Variants in COL14A1 observed in about 807,000 individuals in gnomAD.
The protein encoded by COL14A1 is collagen alpha-1(XIV) chain.
COL14A1 carries 136 observed loss-of-function variants against 230.3 expected under a neutral mutation model. The observed-to-expected ratio is 0.59, with a 90% confidence interval of 0.51 to 0.68. The LOEUF (loss-of-function observed/expected upper bound fraction) is 0.68, where lower values mean the gene tolerates loss of function less well. COL14A1 is among the 30% of genes least tolerant of loss of function. The pLI, the probability that COL14A1 is intolerant of heterozygous loss-of-function variation, is 0.00. For missense variants in COL14A1, 1,976 were observed against 2,215.8 expected (o/e 0.89, Z 2.17); for synonymous variants, 792 against 784.1 (o/e 1.01, Z -0.17).
In COL14A1 at chr8:120,345,372, C is replaced by T; in HGVS notation, c.4889-3C>T. The T allele has an allele frequency of 6.3e-7, 1 of 1,575,392 alleles. No individual in the cohort carries two copies. The highest frequency in any genetic ancestry group is 8.6e-7 in the Non-Finnish European group (1 of 1,166,052). On this transcript the variant is annotated splice_polypyrimidine_tract_variant and splice_region_variant and intron_variant, in intron 44 of 47. Coordinates refer to ENST00000297848, the MANE Select transcript of COL14A1 (RefSeq NM_021110.4). ...AATGCTGTCTTTATGCTTCATACCT[C>T]AGGTCACATGGCCAGGTACACTGCC...
chr8:120,320,596 C>T (rs1179716112), intron 40 of COL14A1, among the ~76,000 whole-genome samples: 1 of 152,132 alleles, frequency 6.6e-6, no homozygotes, highest in Non-Finnish European at 1.5e-5. Flanking sequence ...AAATATTTAT[C>T]TAAGTAATAT....
intron 13 of COL14A1, 124 bp from the exon 14 acceptor site, chr8:120,216,227 G>A (rs890941412): frequency 9.7e-5 from 71 of 729,914 alleles, no homozygotes; most frequent in Non-Finnish European, 1.5e-4. Flanking sequence ...TTATTTCAGT[G>A]TTATAAGTTA....
chr8:120,329,598 C>T (rs1821800332), intron 40 of COL14A1, among the ~76,000 whole-genome samples: 1 of 152,006 alleles, frequency 6.6e-6, no homozygotes, highest in Admixed American at 6.6e-5. Flanking sequence ...CAGAGCAAGA[C>T]TGTCTCAAAA....
Position 120,263,005 on chromosome 8 carries a change from G to A in COL14A1, c.3007G>A (p.Glu1003Lys). The A allele has an allele frequency of 1.9e-6, 3 of 1,601,348 alleles. No individual in the cohort carries two copies. The highest frequency in any genetic ancestry group is 1.3e-5 in the African/African-American group (1 of 74,100). The change falls in exon 24 of 48, where the codon GAA becomes AAA. Residue 1003 changes from glutamate (E) to lysine (K), a missense_variant. Physicochemically the swap from Glu to Lys is moderately conservative, Grantham distance 56 (BLOSUM62 1). Coordinates refer to ENST00000297848, the MANE Select transcript of COL14A1 (RefSeq NM_021110.4). ...EIEGPSVSIMEKTQSLPTRPP... is the reference protein window; with the variant it reads ...EIEGPSVSIMKKTQSLPTRPP... ...TGAAGGACCTAGTGTGAGCATAATG[G>A]AAAAAACACGTAAGTCATGTGTGTT... is the stretch of plus-strand genomic sequence containing the variant.
rs186929525 is a variant in COL14A1 at position 120,342,719 on chromosome 8, A to C, written c.4888+273A>C. 2.1e-3 allele frequency among the ~76,000 whole-genome samples: 321 copies of C among 152,280 alleles called. 1 individual carries two copies. The highest frequency in any genetic ancestry group is 6.8e-3 in the Middle Eastern group (2 of 294). On this transcript the variant is annotated intron_variant, in intron 44 of 47. Coordinates refer to ENST00000297848, the MANE Select transcript of COL14A1 (RefSeq NM_021110.4). Reference sequence around the variant, plus strand: ...ATGTAAATTTAACTTGACTGCCCAGATCAGATCTTCTATTCCTTTCTCATC... The same window carrying C: ...ATGTAAATTTAACTTGACTGCCCAGCTCAGATCTTCTATTCCTTTCTCATC...
At chr8:120,212,361 A>G in intron 12 of COL14A1, 87 bp from the exon 13 acceptor site, 1 of 1,385,392 alleles carries the variant, frequency 7.2e-7, no homozygotes, top group Non-Finnish European at 1.0e-6. Flanking sequence ...GTCTTATCCC[A>G]TGAAGTCTCA....
chr8:120,224,999 T>C, intron 14 of COL14A1, 89 bp from the exon 15 acceptor site: 1 of 1,261,726 alleles, frequency 7.9e-7, no homozygotes, highest in African/African-American at 1.5e-5. Context: ...ATAGCTTTGC[T>C]GTCAGCTAAG....
chr8:120,182,457 G>A (rs17825670), intron 5 of COL14A1, among the ~76,000 whole-genome samples: 5,134 of 152,202 alleles, frequency 0.034, 118 homozygotes, highest in Non-Finnish European at 0.049. Flanking sequence ...TGGAGTAACC[G>A]GGATAATTGA....
intron 15 of COL14A1, among the ~76,000 whole-genome samples, chr8:120,225,638 C>T (rs1427605649): frequency 2.6e-5 from 4 of 152,064 alleles, no homozygotes; most frequent in South Asian, 2.1e-4. Context: ...ATATATCAGT[C>T]GATGATTTTC....
intron 47 of COL14A1, chr8:120,370,662 C>A: frequency 6.9e-7 from 1 of 1,447,742 alleles, no homozygotes. Flanking sequence ...AGAATTTATC[C>A]CAGACTCCCC....
chr8:120,137,536 TA>T (rs1814754965), intron 1 of COL14A1, among the ~76,000 whole-genome samples: 1 of 152,202 alleles, frequency 6.6e-6, no homozygotes, highest in South Asian at 2.1e-4. Flanking sequence ...CTTCTTTAGG[TA>T]AAAAATTAGA....
Position 120,216,345 on chromosome 8 carries a change from G to T in COL14A1, c.1598-6G>T. On this transcript the variant is annotated splice_polypyrimidine_tract_variant and splice_region_variant and intron_variant, in intron 13 of 47. Coordinates refer to ENST00000297848, the MANE Select transcript of COL14A1 (RefSeq NM_021110.4). ...TTAATTATTTTCTATTCCATTTACT[G>T]CCAAGTGGCTTTAAGTCCACCAAGA... The T allele has an allele frequency of 6.3e-7, 1 of 1,597,326 alleles. No individual in the cohort carries two copies. Among genetic ancestry groups the T allele is most frequent in the Non-Finnish European group, 8.5e-7 (1 of 1,175,744 alleles).
intron 33 of COL14A1, 102 bp downstream of exon 33, chr8:120,286,072 G>A: frequency 2.9e-6 from 2 of 694,908 alleles, no homozygotes; most frequent in Non-Finnish European, 5.0e-6. Context: ...ATTTCAGCTG[G>A]AGTGAGAATT....
chr8:120,323,851 G>A (rs1180264974), intron 40 of COL14A1, among the ~76,000 whole-genome samples: 2 of 152,194 alleles, frequency 1.3e-5, no homozygotes, highest in Non-Finnish European at 2.9e-5. Context: ...CATGAAGTGT[G>A]ATGCCTCCAG....
At chr8:120,195,140 G>A (rs1301108451) in intron 5 of COL14A1, among the ~76,000 whole-genome samples, 1 of 152,148 alleles carries the variant, frequency 6.6e-6, no homozygotes, top group Non-Finnish European at 1.5e-5. Context: ...GGTATCCCAT[G>A]AATATTTATA....
At chr8:120,162,605 A>T in intron 4 of COL14A1, 36 bp downstream of exon 4, 1 of 1,533,066 alleles carries the variant, frequency 6.5e-7, no homozygotes. Flanking sequence ...CCTCCGCAGG[A>T]CTCTGTCCCA....
At chr8:120,332,215 C>T in intron 41 of COL14A1, 21 bp downstream of exon 41, 2 of 1,606,268 alleles carry the variant, frequency 1.2e-6, no homozygotes, top group Non-Finnish European at 8.5e-7. Context: ...CCAGAAACTA[C>T]TGGGACATAC....
At chr8:120,300,182 T>G (rs1005432287) in intron 35 of COL14A1, among the ~76,000 whole-genome samples, 2 of 152,160 alleles carry the variant, frequency 1.3e-5, no homozygotes, top group African/African-American at 4.8e-5. Flanking sequence ...GAGCCTCAGA[T>G]CTACACTGTG....
intron 1 of COL14A1, among the ~76,000 whole-genome samples, chr8:120,137,062 C>T (rs1013387119): frequency 1.2e-4 from 18 of 147,416 alleles, no homozygotes; most frequent in Admixed American, 1.4e-4. Flanking sequence ...TTAAATATTT[C>T]ATAGAATTTG....
Sources: gnomAD v4.1 joint callset for allele counts (sites outside exome capture counted in the v4.1 genomes callset) on GRCh38, gnomAD v4.1.1 for gene constraint, MANE v1.5 for transcripts, NCBI Gene and HGNC (gene_info 2026-07-23, HGNC 2026-07-21) for gene names.